The following DYNC2LI1 variants were observed in gnomAD, a reference collection of about 807,000 sequenced individuals.
DYNC2LI1 encodes dynein cytoplasmic 2 light intermediate chain 1, also known as cytoplasmic dynein 2 light intermediate chain 1.
Under a neutral mutation model 51.9 loss-of-function variants are expected in DYNC2LI1, and 45 were observed. That is an observed-to-expected ratio of 0.87 (90% CI 0.68 to 1.11). The LOEUF (loss-of-function observed/expected upper bound fraction) is 1.11, where lower values mean the gene tolerates loss of function less well. Ranked by LOEUF, DYNC2LI1 falls within the 50% of genes most tolerant of loss-of-function variation. The pLI is 0.00. For missense variants in DYNC2LI1, 490 were observed against 417.4 expected (o/e 1.17, Z -1.51); for synonymous variants, 130 against 137.8 (o/e 0.94, Z 0.40).
chr2:43,815,603 G>T, the DYNC2LI1 span, among the ~76,000 whole-genome samples: 1 of 152,178 alleles, frequency 6.6e-6, no homozygotes, highest in Admixed American at 6.5e-5. Context: ...GGATACGTGG[G>T]ACTCTGGGAA....
chr2:43,789,529 G>A, intron 4 of DYNC2LI1, 104 bp from the exon 5 acceptor site: 1 of 927,810 alleles, frequency 1.1e-6, no homozygotes, highest in Non-Finnish European at 1.6e-6. Flanking sequence ...AGAAAGGGTT[G>A]ATTAAGGACT....
intron 2 of DYNC2LI1, among the ~76,000 whole-genome samples, chr2:43,782,677 C>T (rs1187907462): frequency 6.6e-6 from 1 of 151,970 alleles, no homozygotes; most frequent in African/African-American, 2.4e-5. Flanking sequence ...CTTGTATTTC[C>T]TTACTCCTAA....
the DYNC2LI1 span, chr2:43,822,439 T>C: frequency 1.2e-6 from 1 of 858,706 alleles, no homozygotes; most frequent in Non-Finnish European, 1.4e-6. Context: ...GTGTCTGTTT[T>C]AAGGTTTTAC....
intron 3 of DYNC2LI1, among the ~76,000 whole-genome samples, chr2:43,784,054 T>C (rs777551609): frequency 1.3e-5 from 2 of 152,222 alleles, no homozygotes; most frequent in Non-Finnish European, 2.9e-5. Flanking sequence ...AGGAAGCTGA[T>C]GAGGAAAGCC....
chr2:43,783,184 G>A (rs1018864060), intron 2 of DYNC2LI1, among the ~76,000 whole-genome samples: 4 of 151,958 alleles, frequency 2.6e-5, no homozygotes, highest in South Asian at 4.2e-4. Flanking sequence ...ACTAAGCATC[G>A]GCTTAACCAG....
At chr2:43,820,823 T>A in the DYNC2LI1 span, among the ~76,000 whole-genome samples, 1 of 152,080 alleles carries the variant, frequency 6.6e-6, no homozygotes, top group Non-Finnish European at 1.5e-5. Flanking sequence ...CCAGCTAATT[T>A]TTTTGTATTT....
At chr2:43,813,563 C>A (rs1666600941), downstream of DYNC2LI1, among the ~76,000 whole-genome samples, 1 of 152,002 alleles carries the variant, frequency 6.6e-6, no homozygotes, top group South Asian at 2.1e-4. Context: ...GATCCCTTAG[C>A]ACAGACTATC....
At chr2:43,818,068 A>T in the DYNC2LI1 span, among the ~76,000 whole-genome samples, 4 of 152,202 alleles carry the variant, frequency 2.6e-5, no homozygotes, top group Non-Finnish European at 5.9e-5. Context: ...TAAATTGTTG[A>T]ATATTTAATG....
At chr2:43,777,738 A>G (rs1673088705) in intron 2 of DYNC2LI1, among the ~76,000 whole-genome samples, 1 of 152,148 alleles carries the variant, frequency 6.6e-6, no homozygotes, top group African/African-American at 2.4e-5. Flanking sequence ...CAGCCTGAGC[A>G]CCCGTCTTGT....
chr2:43,803,102 C>T (rs1328851008), intron 10 of DYNC2LI1, among the ~76,000 whole-genome samples: 1 of 152,170 alleles, frequency 6.6e-6, no homozygotes, highest in East Asian at 1.9e-4. Context: ...CTCTAGAAAA[C>T]AGTTTAACAG....
chr2:43,796,874 G>T, intron 8 of DYNC2LI1, 79 bp downstream of exon 8: 1 of 1,093,882 alleles, frequency 9.1e-7, no homozygotes. Flanking sequence ...GCACAGCTAC[G>T]AGGAATAAAT....
Position 43,776,890 on chromosome 2 carries a change from T to C in DYNC2LI1, c.117T>C (p.Ser39=). ...AAAAATTTGTTTTCTTCATTGGCAG[T>C]AAAAATGGGGTAATGCTTTCTTTTT... ...IAEKFVFFIG[S]KNGGKTTIIL... The change falls in exon 2 of 13, where the codon AGT becomes AGC. Residue 39 remains serine (S), a synonymous_variant. Transcript: ENST00000260605. The C allele has an allele frequency of 6.6e-7, 1 of 1,518,552 alleles. No individual in the cohort carries two copies. The allele number at this position is 1,518,552 out of a possible 1,614,324, so 94.1% of individuals were successfully genotyped here.
intron 8 of DYNC2LI1, among the ~76,000 whole-genome samples, chr2:43,799,511 A>G (rs1666004307): frequency 6.6e-6 from 1 of 152,214 alleles, no homozygotes; most frequent in African/African-American, 2.4e-5. Flanking sequence ...TTGCTATTCT[A>G]AGGTCCAGAA....
downstream of DYNC2LI1, chr2:43,812,708 G>T: frequency 5.0e-6 from 1 of 198,776 alleles, no homozygotes. Context: ...CTCTTTCTCT[G>T]TCACTTATGG....
At chr2:43,792,566 C>T (rs1673839785) in intron 5 of DYNC2LI1, 2 of 1,116,638 alleles carry the variant, frequency 1.8e-6, no homozygotes, top group Non-Finnish European at 2.4e-6. Context: ...CTGTGCAGTT[C>T]AGTAACATCA....
intron 10 of DYNC2LI1, among the ~76,000 whole-genome samples, chr2:43,803,009 G>A (rs190588593): frequency 6.6e-6 from 1 of 152,218 alleles, no homozygotes; most frequent in East Asian, 1.9e-4. Context: ...ATAAAAAATA[G>A]TGACACCACC....
chr2:43,777,203 C>T (rs1380157193), intron 2 of DYNC2LI1, among the ~76,000 whole-genome samples: 1 of 152,096 alleles, frequency 6.6e-6, no homozygotes, highest in East Asian at 1.9e-4. Flanking sequence ...ATCAGTAAGT[C>T]AGTATCTTAA....
At chr2:43,807,411 C>T (rs1353403484) in intron 12 of DYNC2LI1, among the ~76,000 whole-genome samples, 4 of 152,072 alleles carry the variant, frequency 2.6e-5, no homozygotes, top group African/African-American at 4.8e-5. Context: ...ATGTGGAAAG[C>T]ACTTGCTGAG....
At position 43,789,540 on chromosome 2, in the gene DYNC2LI1, G is replaced by T. The variant is rs146469412; in HGVS notation, c.232-93G>T. 4.6e-4 allele frequency: 484 copies of T among 1,062,478 alleles called. 2 individuals carry two copies. The African/African-American group carries it at 6.6e-3, about 14-fold the overall frequency. 65.8% of individuals were successfully genotyped at this position (1,062,478 alleles called of 1,614,324 possible). ...GCCAAGAAAGGGTTGATTAAGGACT[G>T]CAATATTTTGTATGTATAATTATTA... On this transcript the variant is annotated intron_variant, in intron 4 of 12. Transcript: ENST00000260605.
Sources: allele counts gnomAD v4.1 joint callset (sites outside exome capture counted in the v4.1 genomes callset), GRCh38; gene constraint gnomAD v4.1.1; transcripts MANE v1.5; gene names NCBI Gene and HGNC (gene_info 2026-07-23, HGNC 2026-07-21).